The following CRTC1 variants were observed in gnomAD, a reference collection of about 807,000 sequenced individuals.
CRTC1 encodes the protein CREB regulated transcription coactivator 1.
A neutral mutation model predicts 66.1 loss-of-function variants in CRTC1; 18 were observed. The ratio of observed to expected loss-of-function variants is 0.27; its 90% CI spans 0.19 to 0.40. The LOEUF (loss-of-function observed/expected upper bound fraction) is 0.40. CRTC1 is among the 10% of genes least tolerant of loss of function. The pLI, the probability that CRTC1 is intolerant of heterozygous loss-of-function variation, is 1.00. For missense variants in CRTC1, 669 were observed against 887.9 expected, an observed-to-expected ratio of 0.75 and a Z score of 3.13; for synonymous variants, 416 against 398.8, an observed-to-expected ratio of 1.04 and a Z score of -0.51.
At chr19:18,737,623 T>C (rs1055279810) in intron 1 of CRTC1, among the ~76,000 whole-genome samples, 1 of 152,092 alleles carries the variant, frequency 6.6e-6, no homozygotes, top group Non-Finnish European at 1.5e-5. Flanking sequence ...AAGGTGACCT[T>C]ACAGTTGACT....
chr19:18,747,319 C>T lies in CRTC1; in HGVS notation c.443+205C>T, dbSNP rs551875605. ...GGTCTTCTAACATTTCCCTTCCCCC[C>T]ACTTATGACAAAAAAAAAGACAAAA... On this transcript the variant is annotated intron_variant, in intron 4 of 13. Transcript: ENST00000321949. 1.8e-3 allele frequency among the ~76,000 whole-genome samples: 272 copies of T among 152,132 alleles called. 3 individuals are homozygous for T. The highest frequency in any genetic ancestry group is 6.8e-3 in the Middle Eastern group (2 of 292).
At chr19:18,701,367 CAA>C (rs1005578813) in intron 1 of CRTC1, among the ~76,000 whole-genome samples, 4 of 152,256 alleles carry the variant, frequency 2.6e-5, no homozygotes, top group African/African-American at 9.6e-5. Flanking sequence ...TGCATCCACG[CAA>C]AGTGTCTGGC....
intron 1 of CRTC1, among the ~76,000 whole-genome samples, chr19:18,722,683 C>G (rs1034192656): frequency 6.6e-6 from 1 of 152,170 alleles, no homozygotes; most frequent in African/African-American, 2.4e-5. Context: ...GTGTAGCACA[C>G]TCCCAGTGCT....
chr19:18,749,871 A>T lies in CRTC1; in HGVS notation c.534A>T (p.Lys178Asn), dbSNP rs367994106. The T allele has an allele frequency of 1.5e-5, 24 of 1,613,404 alleles. No homozygotes were observed. Among genetic ancestry groups the T allele is most frequent in the Admixed American group, 6.7e-5 (4 of 60,000 alleles). ...GTGGGTCCCAGGACGTGCACCAGAA[A>T]AGAGGTATGGACAGGGGACTCGGGT... ...FSSGSQDVHQ[K>N]RVLLLTVPGM... Residue 178 changes from lysine (K) to asparagine (N), a missense_variant, in exon 5 of 14, where the codon AAA becomes AAT. Lys to Asn is a moderately conservative substitution (Grantham distance 94). Transcript: ENST00000321949.
chr19:18,706,671 AG>A (rs753736439), intron 1 of CRTC1, among the ~76,000 whole-genome samples: 21 of 152,040 alleles, frequency 1.4e-4, no homozygotes, highest in Non-Finnish European at 2.8e-4. Context: ...TATGGATTTT[AG>A]GGTGGATTTT....
At chr19:18,762,953 C>T (rs2054647401) in intron 8 of CRTC1, among the ~76,000 whole-genome samples, 1 of 152,364 alleles carries the variant, frequency 6.6e-6, no homozygotes, top group South Asian at 2.1e-4. Flanking sequence ...AATACAGCCA[C>T]ACGCCACATC....
intron 1 of CRTC1, among the ~76,000 whole-genome samples, chr19:18,696,666 G>T (rs2052995903): frequency 6.6e-6 from 1 of 152,094 alleles, no homozygotes; most frequent in African/African-American, 2.4e-5. Context: ...GTTGTCCCTG[G>T]TTTTTCTCAA....
intron 9 of CRTC1, among the ~76,000 whole-genome samples, chr19:18,767,360 A>G (rs977605170): frequency 6.6e-6 from 1 of 151,942 alleles, no homozygotes; most frequent in Non-Finnish European, 1.5e-5. Flanking sequence ...TACCATGCCC[A>G]GCTGAGTTTT....
At chr19:18,773,632 G>T (rs1029922675) in intron 11 of CRTC1, among the ~76,000 whole-genome samples, 5 of 152,188 alleles carry the variant, frequency 3.3e-5, no homozygotes, top group African/African-American at 7.2e-5. Context: ...AAACCAAGCC[G>T]CAAGCTTGCG....
intron 1 of CRTC1, among the ~76,000 whole-genome samples, chr19:18,738,239 C>A (rs562032087): frequency 3.9e-5 from 6 of 152,220 alleles, no homozygotes; most frequent in Admixed American, 2.6e-4. Context: ...ATCACCTGAT[C>A]CTGGGAAGCC....
chr19:18,730,342 G>GC (rs747155459), intron 1 of CRTC1, among the ~76,000 whole-genome samples: 140 of 152,192 alleles, frequency 9.2e-4, no homozygotes, highest in Non-Finnish European at 1.6e-3. Flanking sequence ...TGAACACCGA[G>GC]CCCCCCTGCT....
chr19:18,763,091 T>C (rs2054651210), intron 8 of CRTC1, among the ~76,000 whole-genome samples: 1 of 152,192 alleles, frequency 6.6e-6, no homozygotes, highest in Admixed American at 6.5e-5. Context: ...AGTTGCCTAC[T>C]GTTTTTAATT....
rs911643727 is a variant in CRTC1 at position 18,741,657 on chromosome 19, T to G, written c.127-1253T>G. Among the ~76,000 whole-genome samples the G allele has an allele frequency of 6.6e-6, 1 of 152,106 alleles. No homozygotes were observed. The highest frequency in any genetic ancestry group is 2.4e-5 in the African/African-American group (1 of 41,430). On this transcript the variant is annotated intron_variant, in intron 1 of 13. Coordinates refer to ENST00000321949, the MANE Select transcript of CRTC1 (RefSeq NM_015321.3). The surrounding 1 kb of genome is among the most constrained non-coding windows in gnomAD (Gnocchi z 4.2). ...CTGCTGGGAGGGACACTGTGGATGT[T>G]CATTGTGTATGTGTCTGGCCAGCGG...
At position 18,730,420 on chromosome 19, in the gene CRTC1, G is replaced by A. The variant is rs143116766; in HGVS notation, c.127-12490G>A. Among the ~76,000 whole-genome samples the A allele has an allele frequency of 5.4e-3, 819 of 152,142 alleles. 9 individuals carry two copies. The highest frequency in any genetic ancestry group is 0.018 in the African/African-American group (761 of 41,520). On this transcript the variant is annotated intron_variant, in intron 1 of 13. Coordinates refer to ENST00000321949, the MANE Select transcript of CRTC1 (RefSeq NM_015321.3). ...CGGGGTCACATTCACAGGGCCTTCC[G>A]GGTAGGCCTGTCTTCAGGATGGGCC...
intron 1 of CRTC1, among the ~76,000 whole-genome samples, chr19:18,740,916 A>G (rs866448296): frequency 5.9e-5 from 9 of 152,244 alleles, no homozygotes; most frequent in South Asian, 2.1e-4. Flanking sequence ...GAGGCAGGAG[A>G]ATCACTTGAG....
rs538682154 is a variant in CRTC1 at position 18,706,182 on chromosome 19, C to G, written c.126+22354C>G. 8.6e-4 allele frequency among the ~76,000 whole-genome samples: 16 copies of G among 18,676 alleles called. 1 individual carries two copies. Among genetic ancestry groups the G allele is most frequent in the Non-Finnish European group, 9.8e-4 (9 of 9,216 alleles). 12.3% of individuals were successfully genotyped at this position (18,676 alleles called of 152,430 possible). ...GGGCTTTCTATTCTATTCCATTGGT[C>G]TTTTTTTTTTTTTTTTTTTTTTTTT... On this transcript the variant is annotated intron_variant, in intron 1 of 13. Coordinates refer to ENST00000321949, the MANE Select transcript of CRTC1 (RefSeq NM_015321.3).
At chr19:18,715,555 C>T (rs1568493084) in intron 1 of CRTC1, among the ~76,000 whole-genome samples, 1 of 152,174 alleles carries the variant, frequency 6.6e-6, no homozygotes, top group African/African-American at 2.4e-5. Flanking sequence ...TCTGGGAGTA[C>T]GTCCCACAAC....
chr19:18,751,221 C>A (rs2054356131), intron 5 of CRTC1, among the ~76,000 whole-genome samples: 1 of 151,822 alleles, frequency 6.6e-6, no homozygotes, highest in African/African-American at 2.4e-5. Flanking sequence ...GTGCAACAGG[C>A]ATAAAGAAAA....
rs1328111772 is a variant in CRTC1, at chr19:18,780,409, C to G, written c.*3027C>G. On this transcript the variant is annotated 3_prime_UTR_variant, in exon 14 of 14. Coordinates refer to ENST00000321949, the MANE Select transcript of CRTC1 (RefSeq NM_015321.3). ...AGAGGGTGTAGCCCAAGTTCAGCCT[C>G]TCTCTGTGTCCTCCAGAGAAGAGGG... The G allele has an allele frequency of 8.6e-6, 2 of 232,302 alleles. No homozygotes were observed. Among genetic ancestry groups the G allele is most frequent in the East Asian group, 6.1e-5 (1 of 16,488 alleles). 14.4% of individuals were successfully genotyped at this position (232,302 alleles called of 1,614,324 possible).
Sources: gnomAD v4.1 joint callset for allele counts (sites outside exome capture counted in the v4.1 genomes callset) on GRCh38, gnomAD v4.1.1 for gene constraint, Gnocchi (gnomAD v3.1) non-coding constraint, MANE v1.5 for transcripts, NCBI Gene and HGNC (gene_info 2026-07-23, HGNC 2026-07-21) for gene names.